VCAN: variants seen among roughly 807,000 people sequenced by gnomAD.
The protein encoded by VCAN is versican core protein.
VCAN carries 44 observed loss-of-function variants against 245.5 expected under a neutral mutation model. That is an observed-to-expected ratio of 0.18 (90% confidence interval 0.14 to 0.23). The LOEUF (loss-of-function observed/expected upper bound fraction) is 0.23, where lower values mean the gene tolerates loss of function less well. Ranked by LOEUF, VCAN falls within the 10% of genes least tolerant of loss-of-function variation. The probability of loss-of-function intolerance (pLI) is 1.00; values close to 1 mark genes in which losing one functional copy is unlikely to be tolerated. For missense variants in VCAN, 3,793 were observed against 4,057.9 expected (o/e 0.93, Z 1.77); for synonymous variants, 1,413 against 1,437.0 (o/e 0.98, Z 0.38).
Position 83,541,172 on chromosome 5 carries a change from C to A in VCAN, c.8169C>A (p.Ser2723Arg), listed in dbSNP as rs778883363. 6.2e-7 allele frequency: 1 copy of A among 1,613,982 alleles called. No homozygotes were observed. ...AKALDDMFES[S>R]TLSDGQAIAD... ...CCCTGGATGACATGTTTGAATCAAG[C>A]ACTTTGTCTGATGGTCAAGCTATTG... The change falls in exon 8 of 15, where the codon AGC becomes AGA. Residue 2723 changes from serine (S) to arginine (R), a missense_variant. By Grantham distance (110) the Ser-to-Arg change is moderately radical. Coordinates refer to ENST00000265077, the MANE Select transcript of VCAN (RefSeq NM_004385.5).
rs751687701 is a variant in VCAN, at chr5:83,541,805, C to T, written c.8802C>T (p.Asn2934=). 1 of 1,614,068 alleles carries T rather than the reference C, an allele frequency of 6.2e-7. No homozygotes were observed. Among genetic ancestry groups the T allele is most frequent in the South Asian group, 1.1e-5 (1 of 91,076 alleles). ...CTGAGATTCTCCAAGATTTCCAAAA[C>T]AAAACCGATGGTCAAGTTTCTGGAG... ...EGTEILQDFQ[N]KTDGQVSGEA... The change falls in exon 8 of 15, where the codon AAC becomes AAT. Residue 2934 remains asparagine (N), a synonymous_variant. Transcript: ENST00000265077.
chr5:83,556,657 A>C (rs1183454930), intron 12 of VCAN, among the ~76,000 whole-genome samples: 3 of 151,976 alleles, frequency 2.0e-5, no homozygotes, highest in African/African-American at 7.3e-5. Flanking sequence ...TTATGTTTTC[A>C]TTTTGCTGTA....
In VCAN at chr5:83,580,794, T is replaced by C. The variant is rs774942315; in HGVS notation, c.*360T>C. 7 of 327,384 alleles carry C rather than the reference T, an allele frequency of 2.1e-5. No homozygotes were observed. The highest frequency in any genetic ancestry group is 3.6e-5 in the Non-Finnish European group (6 of 168,464). 20.3% of individuals were successfully genotyped at this position (327,384 alleles called of 1,614,324 possible). ...TGTAAATAAGATGATTTAATGTTGA[T>C]TTTAATCCTGTATATAAAATAAAAA... On this transcript the variant is annotated 3_prime_UTR_variant, in exon 15 of 15. Transcript: ENST00000265077.
chr5:83,566,643 G>T (rs1226303902), intron 12 of VCAN, among the ~76,000 whole-genome samples: 1 of 152,116 alleles, frequency 6.6e-6, no homozygotes, highest in Non-Finnish European at 1.5e-5. Flanking sequence ...AACTGGGAAG[G>T]AGAGAAATAG....
intron 8 of VCAN, among the ~76,000 whole-genome samples, chr5:83,543,794 C>T (rs1215701643): frequency 6.6e-6 from 1 of 152,192 alleles, no homozygotes; most frequent in South Asian, 2.1e-4. Context: ...TAGTTTGCGT[C>T]TTCATTGCAA....
chr5:83,530,536 GGAGA>G (rs1159578780), intron 7 of VCAN, among the ~76,000 whole-genome samples: 2 of 152,078 alleles, frequency 1.3e-5, no homozygotes, highest in African/African-American at 4.8e-5. Context: ...TAAAAGAAAA[GGAGA>G]AAGAAATGCT....
rs1346331355 is a variant in VCAN at position 83,471,875 on chromosome 5, C to T, written c.-155C>T. 5.1e-6 allele frequency: 2 copies of T among 395,826 alleles called. No homozygotes were observed. The highest frequency in any genetic ancestry group is 8.9e-6 in the Non-Finnish European group (2 of 224,706). 24.5% of individuals were successfully genotyped at this position (395,826 alleles called of 1,614,324 possible). On this transcript the variant is annotated 5_prime_UTR_variant, in exon 1 of 15. Transcript: ENST00000265077. ...CAAGATCTTCGGCCAGCCCCGCATC[C>T]TCCCGCATCTTCCAGCACCGTCCCG...
chr5:83,568,651 G>C (rs963860572), intron 12 of VCAN, among the ~76,000 whole-genome samples: 1 of 152,076 alleles, frequency 6.6e-6, no homozygotes, highest in Non-Finnish European at 1.5e-5. Flanking sequence ...AACTTGCGGT[G>C]ATATTTGTTA....
At position 83,540,621 on chromosome 5, in the gene VCAN, A is replaced by G; in HGVS notation, c.7618A>G (p.Thr2540Ala). Residue 2540 changes from threonine (T) to alanine (A), a missense_variant, in exon 8 of 15, where the codon ACT (threonine) becomes GCT (alanine). Transcript: ENST00000265077. ...STLKPNRKKP[T>A]ENIIIDLDKE... ...CTTAAAACCTAACAGAAAAAAACCCACTGAAAATATTATCATAGACCTGGA... is the reference window on the plus strand; with the variant it reads ...CTTAAAACCTAACAGAAAAAAACCCGCTGAAAATATTATCATAGACCTGGA... 1.2e-6 allele frequency: 2 copies of G among 1,613,860 alleles called. No individual in the cohort carries two copies. Among genetic ancestry groups the G allele is most frequent in the South Asian group, 1.1e-5 (1 of 91,080 alleles).
intron 12 of VCAN, among the ~76,000 whole-genome samples, chr5:83,555,319 C>T (rs1747630017): frequency 6.6e-6 from 1 of 152,178 alleles, no homozygotes; most frequent in Non-Finnish European, 1.5e-5. Flanking sequence ...GTCTGTCTTT[C>T]AGATGGTTAT....
intron 7 of VCAN, 43 bp from the exon 8 acceptor site, chr5:83,536,964 C>A: frequency 7.2e-6 from 11 of 1,528,568 alleles, no homozygotes; most frequent in Non-Finnish European, 9.6e-6. Flanking sequence ...CATACACTGC[C>A]AAATTTTCTA....
intron 12 of VCAN, 124 bp downstream of exon 12, chr5:83,555,162 CA>C (rs763934524): frequency 1.4e-5 from 13 of 936,976 alleles, no homozygotes; most frequent in Non-Finnish European, 2.2e-5. Context: ...CAAGGTCACT[CA>C]GTGAAACAGA....
At position 83,477,481 on chromosome 5, in the gene VCAN, C is replaced by T. The variant is rs117264728; in HGVS notation, c.-7+5458C>T. Among the ~76,000 whole-genome samples, 1,322 of 152,044 alleles carry T rather than the reference C, an allele frequency of 8.7e-3. 27 individuals are homozygous for T. The highest frequency in any genetic ancestry group is 0.031 in the Admixed American group (473 of 15,280). Reference sequence around the variant, plus strand: ...ATCAGTCTCTACCTGATTTCTCATCCTAAAAGAAATATAAGATGAATCAAA... The same window carrying T: ...ATCAGTCTCTACCTGATTTCTCATCTTAAAAGAAATATAAGATGAATCAAA... On this transcript the variant is annotated intron_variant, in intron 1 of 14. Transcript: ENST00000265077.
At position 83,520,510 on chromosome 5, in the gene VCAN, A is replaced by G; in HGVS notation, c.2204A>G (p.His735Arg). The change falls in exon 7 of 15, where the codon CAT (histidine) becomes CGT (arginine). Residue 735 changes from histidine (H) to arginine (R), a missense_variant. Physicochemically the swap from His to Arg is conservative, Grantham distance 29. This residue lies in a region of VCAN where 3,182 missense variants were observed against 3,250.3 expected (regional missense o/e 0.98). Coordinates refer to ENST00000265077, the MANE Select transcript of VCAN (RefSeq NM_004385.5). ...TCTACATCTCTCTCAGAGCCAATTC[A>G]TGTTACAGAGTCTTCTGTGGAAATG... ...KLSTSLSEPI[H>R]VTESSVEMTK... is the part of the protein sequence containing the mutation. 2 of 1,614,066 alleles carry G rather than the reference A, an allele frequency of 1.2e-6. No individual in the cohort carries two copies. The highest frequency in any genetic ancestry group is 1.7e-6 in the Non-Finnish European group (2 of 1,179,984).
intron 5 of VCAN, among the ~76,000 whole-genome samples, chr5:83,496,984 A>G (rs1385774114): frequency 6.6e-6 from 1 of 152,204 alleles, no homozygotes; most frequent in Non-Finnish European, 1.5e-5. Context: ...TCATGAGTCA[A>G]ATAATTCCCA....
chr5:83,530,184 G>A (rs1273982032), intron 7 of VCAN, among the ~76,000 whole-genome samples: 2 of 152,010 alleles, frequency 1.3e-5, no homozygotes, highest in African/African-American at 2.4e-5. Context: ...CTTTTCCTCA[G>A]TTGTGAAAGT....
At chr5:83,524,189 G>A (rs538656355) in intron 7 of VCAN, among the ~76,000 whole-genome samples, 2 of 152,182 alleles carry the variant, frequency 1.3e-5, no homozygotes, top group South Asian at 2.1e-4. Context: ...AAAGAACTAA[G>A]TTATAAATGG....
At chr5:83,499,683 A>C (rs1162608898) in intron 5 of VCAN, among the ~76,000 whole-genome samples, 1 of 151,814 alleles carries the variant, frequency 6.6e-6, no homozygotes, top group Non-Finnish European at 1.5e-5. Context: ...ATGGTAAATT[A>C]TTTTCCTTGC....
chr5:83,544,179 G>T (rs979181314), intron 8 of VCAN, among the ~76,000 whole-genome samples: 1 of 152,232 alleles, frequency 6.6e-6, no homozygotes, highest in African/African-American at 2.4e-5. Flanking sequence ...GGCAGCGAGC[G>T]TACTTGTACT....
Sources: gnomAD v4.1 joint callset for allele counts (sites outside exome capture counted in the v4.1 genomes callset) on GRCh38, gnomAD v4.1.1 for gene constraint, gnomAD v4.1.1 regional missense constraint, MANE v1.5 for transcripts, NCBI Gene and HGNC (gene_info 2026-07-23, HGNC 2026-07-21) for gene names.